Variants in SCAMP4 observed in about 807,000 individuals in gnomAD.
SCAMP4 encodes secretory carrier-associated membrane protein 4.
In SCAMP4, 19 loss-of-function variants were observed where a neutral mutation model predicts 32.1. That is an observed-to-expected ratio of 0.59 (90% confidence interval 0.41 to 0.87). SCAMP4 has a LOEUF of 0.87. SCAMP4 is among the 40% of genes least tolerant of loss of function. The probability of loss-of-function intolerance (pLI) is 0.00; values close to 1 mark genes in which losing one functional copy is unlikely to be tolerated. For missense variants in SCAMP4, 302 were observed against 309.0 expected, an observed-to-expected ratio of 0.98 and a Z score of 0.17; for synonymous variants, 152 against 132.7, an observed-to-expected ratio of 1.15 and a Z score of -1.00.
chr19:1,910,723 C>T (rs1321015254), intron 1 of SCAMP4, among the ~76,000 whole-genome samples: 4 of 151,040 alleles, frequency 2.6e-5, no homozygotes, highest in South Asian at 2.1e-4. Context: ...ATTACAGGTG[C>T]GTGGCACCAT....
In SCAMP4 at chr19:1,920,589, G is replaced by GA. The variant is rs569284327; in HGVS notation, c.395+1600dup. The GA allele has an allele frequency of 4.2e-5, 41 of 985,384 alleles. No individual in the cohort carries two copies. In the South Asian group the frequency reaches 1.6e-3, roughly 40 times the overall value. 61.0% of individuals were successfully genotyped at this position (985,384 alleles called of 1,614,324 possible). A position where few individuals can be genotyped will look rare whatever the true frequency, so the allele number is the denominator to read the frequency against. On this transcript the variant is annotated intron_variant, in intron 5 of 6. Coordinates refer to ENST00000316097, the MANE Select transcript of SCAMP4 (RefSeq NM_079834.4). The stretch of plus-strand genomic sequence containing the variant: ...CAGGGATCTGAGTTAGAGTCATAGT[G>GA]AGCGTGTGCCTGGGACTCCCAGCTC...
At chr19:1,912,867 C>T (rs536220756) in intron 1 of SCAMP4, 29 of 1,600,662 alleles carry the variant, frequency 1.8e-5, no homozygotes, top group African/African-American at 5.3e-5. Flanking sequence ...CGCTGCCCCC[C>T]AGGCCGTCCG....
rs945620070 is a variant in SCAMP4 at position 1,908,387 on chromosome 19, G to A, written c.-42+2948G>A. The A allele has an allele frequency of 9.8e-6, 4 of 409,942 alleles. No homozygotes were observed. The highest frequency in any genetic ancestry group is 8.2e-5 in the African/African-American group (4 of 48,710). 25.4% of individuals were successfully genotyped at this position (409,942 alleles called of 1,614,324 possible). Reference sequence around the variant, plus strand: ...CTGGCTGCTGGTCCCCCATCTGTGGGGCGCCCCGGCGGCTGAGGCGTGGAC... The same window carrying A: ...CTGGCTGCTGGTCCCCCATCTGTGGAGCGCCCCGGCGGCTGAGGCGTGGAC... On this transcript the variant is annotated intron_variant, in intron 1 of 6. Transcript: ENST00000316097. The surrounding 1 kb of genome is among the most constrained non-coding windows in gnomAD (Gnocchi z 4.2).
chr19:1,923,417 C>T lies in SCAMP4; in HGVS notation c.513+230C>T, dbSNP rs180802287. On this transcript the variant is annotated intron_variant, in intron 6 of 6. Transcript: ENST00000316097. ...CCTATGGGGCCAGTCCTGTGGCCCC[C>T]TGGGCCGGGAGTCCAGACTCCAGAG... Among the ~76,000 whole-genome samples, 420 of 152,264 alleles carry T rather than the reference C, an allele frequency of 2.8e-3. 2 individuals are homozygous for T. In the Middle Eastern group the frequency reaches 0.031, roughly 11 times the overall value.
intron 5 of SCAMP4, among the ~76,000 whole-genome samples, chr19:1,919,745 T>C (rs2013859915): frequency 6.6e-6 from 1 of 151,818 alleles, no homozygotes; most frequent in Admixed American, 6.6e-5. Flanking sequence ...GCAATCCGCC[T>C]TTCTCAGCCT....
chr19:1,915,096 G>A, intron 2 of SCAMP4, 70 bp downstream of exon 2: 2 of 1,589,900 alleles, frequency 1.3e-6, no homozygotes, highest in Non-Finnish European at 1.7e-6. Context: ...TCCCACAGGA[G>A]CCCTCGGTCC....
intron 5 of SCAMP4, chr19:1,920,778 C>T: frequency 1.0e-6 from 1 of 985,546 alleles, no homozygotes. Context: ...CCCGGTGCGT[C>T]CCCAGCTCTC....
At chr19:1,919,622 G>A (rs1329335765) in intron 5 of SCAMP4, 3 of 219,964 alleles carry the variant, frequency 1.4e-5, no homozygotes, top group South Asian at 1.7e-4. Flanking sequence ...TCAGCCTCCC[G>A]AGTAGCTGGG....
At position 1,918,946 on chromosome 19, in the gene SCAMP4, C is replaced by G; in HGVS notation, c.351C>G (p.Val117=). Residue 117 remains valine (V), a synonymous_variant, in exon 5 of 7, where the codon GTC becomes GTG. Transcript: ENST00000316097. ...AFFFIFGAQF[V]LTVIQAIGFS... is the part of the protein sequence containing the mutation. Reference sequence around the variant, plus strand: ...TCTTCATCTTCGGAGCCCAGTTTGTCCTGACCGTCATCCAGGCGATTGGCT... The same window carrying G: ...TCTTCATCTTCGGAGCCCAGTTTGTGCTGACCGTCATCCAGGCGATTGGCT... 1 of 1,612,522 alleles carries G rather than the reference C, an allele frequency of 6.2e-7. No individual in the cohort carries two copies. The highest frequency in any genetic ancestry group is 1.3e-5 in the African/African-American group (1 of 75,006).
Position 1,922,819 on chromosome 19 carries a change from C to G in SCAMP4, c.396-251C>G, listed in dbSNP as rs543985821. ...GTGAAGGGATAAGGTTGTGTTCACG[C>G]GTCGAAGTTTGTGTCCACTGCACAC... On this transcript the variant is annotated intron_variant, in intron 5 of 6. Transcript: ENST00000316097. 1.6e-5 allele frequency: 19 copies of G among 1,192,626 alleles called. No individual in the cohort carries two copies. The Middle Eastern group carries it at 1.0e-3, about 63-fold the overall frequency. The allele number at this position is 1,192,626 out of a possible 1,614,324, so 73.9% of individuals were successfully genotyped here. A position where few individuals can be genotyped will look rare whatever the true frequency, so the allele number is the denominator to read the frequency against.
At chr19:1,910,810 C>T (rs2013403416) in intron 1 of SCAMP4, among the ~76,000 whole-genome samples, 1 of 151,526 alleles carries the variant, frequency 6.6e-6, no homozygotes, top group South Asian at 2.1e-4. Flanking sequence ...CTCGTGGCCT[C>T]ATGATCTGCC....
chr19:1,910,554 A>G (rs939135560), intron 1 of SCAMP4, among the ~76,000 whole-genome samples: 1 of 146,032 alleles, frequency 6.8e-6, no homozygotes, highest in Admixed American at 6.9e-5. Context: ...GACACTTGAT[A>G]GTTTTTGGTT....
At chr19:1,921,662 C>T in intron 5 of SCAMP4, 2 of 985,360 alleles carry the variant, frequency 2.0e-6, no homozygotes, top group Non-Finnish European at 1.2e-6. Flanking sequence ...AAATTACATC[C>T]AAACAGAGGT....
chr19:1,920,944 C>T (rs1471636243), intron 5 of SCAMP4: 2 of 985,284 alleles, frequency 2.0e-6, no homozygotes, highest in African/African-American at 3.5e-5. Flanking sequence ...TCATTGGAGC[C>T]TGGGTCATCT....
At chr19:1,911,420 C>A (rs546618618) in intron 1 of SCAMP4, among the ~76,000 whole-genome samples, 1 of 152,314 alleles carries the variant, frequency 6.6e-6, no homozygotes, top group East Asian at 1.9e-4. Flanking sequence ...GATCCCCCCA[C>A]CTCGGCCTCC....
rs1266372303 is a variant in SCAMP4, at chr19:1,919,513, T to C, written c.395+523T>C. On this transcript the variant is annotated intron_variant, in intron 5 of 6. Coordinates refer to ENST00000316097, the MANE Select transcript of SCAMP4 (RefSeq NM_079834.4). The stretch of plus-strand genomic sequence containing the variant: ...TCTTTTCTTTTTTTTTTTTTTTTTT[T>C]TGAGACAGAGTCTTGCTCTGTCACC... 7 of 874,412 alleles carry C rather than the reference T, an allele frequency of 8.0e-6. No individual in the cohort carries two copies. The East Asian group carries it at 6.0e-4, about 75-fold the overall frequency. The allele number at this position is 874,412 out of a possible 1,614,324, so 54.2% of individuals were successfully genotyped here. A position where few individuals can be genotyped will look rare whatever the true frequency, so the allele number is the denominator to read the frequency against.
intron 2 of SCAMP4, among the ~76,000 whole-genome samples, chr19:1,916,584 G>T (rs142765753): frequency 6.8e-4 from 104 of 151,880 alleles, no homozygotes; most frequent in African/African-American, 2.4e-3. Context: ...TCAGCCTCCC[G>T]AGAAGCTGGG....
Position 1,924,437 on chromosome 19 carries a change from G to C in SCAMP4, c.*153G>C, listed in dbSNP as rs1254666844. On this transcript the variant is annotated 3_prime_UTR_variant, in exon 7 of 7. Transcript: ENST00000316097. Reference sequence around the variant, plus strand: ...GCCACGGACCGCCCCCCTCCTGCCAGGGCCACAGAACCCGTGTTCATCTCA... The same window carrying C: ...GCCACGGACCGCCCCCCTCCTGCCACGGCCACAGAACCCGTGTTCATCTCA... The C allele has an allele frequency of 3.1e-6, 2 of 647,096 alleles. No homozygotes were observed. Among genetic ancestry groups the C allele is most frequent in the African/African-American group, 3.6e-5 (2 of 55,152 alleles). 40.1% of individuals were successfully genotyped at this position (647,096 alleles called of 1,614,324 possible).
At chr19:1,910,734 GC>G (rs2013399096) in intron 1 of SCAMP4, among the ~76,000 whole-genome samples, 1 of 151,242 alleles carries the variant, frequency 6.6e-6, no homozygotes, top group Admixed American at 6.6e-5. Context: ...GTGGCACCAT[GC>G]CCAGCTAATT....
Sources: gnomAD v4.1 joint callset for allele counts (sites outside exome capture counted in the v4.1 genomes callset) on GRCh38, gnomAD v4.1.1 for gene constraint, Gnocchi (gnomAD v3.1) non-coding constraint, MANE v1.5 for transcripts, NCBI Gene and HGNC (gene_info 2026-07-23, HGNC 2026-07-21) for gene names.